The following CPN1 variants were observed in gnomAD, a reference collection of about 807,000 sequenced individuals.
CPN1 encodes the protein carboxypeptidase N catalytic chain.
CPN1 carries 37 observed loss-of-function variants against 46.4 expected under a neutral mutation model. That is an observed-to-expected ratio of 0.80 (90% CI 0.61 to 1.05). The LOEUF is 1.05. Among genes scored for constraint, CPN1 ranks in the 50% least tolerant of loss-of-function variants. The probability of loss-of-function intolerance (pLI) is 0.00; values close to 1 mark genes in which losing one functional copy is unlikely to be tolerated. For synonymous variants in CPN1, 224 were observed against 235.4 expected, an observed-to-expected ratio of 0.95 and a Z score of 0.44; for missense variants, 563 against 602.6, an observed-to-expected ratio of 0.93 and a Z score of 0.69.
At chr10:100,072,566 A>G (rs968849908) in intron 2 of CPN1, among the ~76,000 whole-genome samples, 1 of 152,158 alleles carries the variant, frequency 6.6e-6, no homozygotes, top group African/African-American at 2.4e-5. Flanking sequence ...ATGCTTACTT[A>G]TCTTTCTTTT....
In CPN1 at chr10:100,081,409, C is replaced by G; in HGVS notation, c.217G>C (p.Glu73Gln). Reference sequence around the variant, plus strand: ...AGAGCTGTTCAGAACTTACAGGGCTCGTGGATTCCAGGGTGGTCGCTGAAC... The same window carrying G: ...AGAGCTGTTCAGAACTTACAGGGCTGGTGGATTCCAGGGTGGTCGCTGAAC... Reference protein sequence around the residue: ...LEFSDHPGIHEPLEPEVKYVG... With the variant: ...LEFSDHPGIHQPLEPEVKYVG... The change falls in exon 1 of 9, where the codon GAG becomes CAG. Residue 73 changes from glutamate to glutamine, a missense_variant. Transcript: ENST00000370418. 6.2e-7 allele frequency: 1 copy of G among 1,612,226 alleles called. No homozygotes were observed. The highest frequency in any genetic ancestry group is 2.2e-5 in the East Asian group (1 of 44,862).
At chr10:100,074,039 C>A (rs76195840) in intron 2 of CPN1, among the ~76,000 whole-genome samples, 1 of 152,076 alleles carries the variant, frequency 6.6e-6, no homozygotes, top group Non-Finnish European at 1.5e-5. Flanking sequence ...CCCCATCCCC[C>A]CCCCACAATA....
chr10:100,047,407 T>C (rs1427691277), intron 8 of CPN1, among the ~76,000 whole-genome samples: 1 of 152,194 alleles, frequency 6.6e-6, no homozygotes, highest in Non-Finnish European at 1.5e-5. Context: ...CTATAGGTCA[T>C]GAGTCCCTCT....
Position 100,081,611 on chromosome 10 carries a change from G to A in CPN1, c.15C>T (p.Leu5=). MSDL[L]SVFLHLLLLF... ...GAAGGAGGAGGTGGAGGAAGACTGA[G>A]AGCAGGTCTGACATCTTGCTGGGCT... The change falls in exon 1 of 9, where the codon CTC becomes CTT. Residue 5 remains leucine (L), a synonymous_variant. Coordinates refer to ENST00000370418, the MANE Select transcript of CPN1 (RefSeq NM_001308.3). 3 of 1,614,122 alleles carry A rather than the reference G, an allele frequency of 1.9e-6. No individual in the cohort carries two copies. Among genetic ancestry groups the A allele is most frequent in the Non-Finnish European group, 2.5e-6 (3 of 1,180,022 alleles).
intron 8 of CPN1, among the ~76,000 whole-genome samples, chr10:100,047,603 G>A (rs916402006): frequency 6.6e-6 from 1 of 152,152 alleles, no homozygotes; most frequent in African/African-American, 2.4e-5. Flanking sequence ...ACATAAAAGT[G>A]GACAATTTCC....
chr10:100,059,068 C>T (rs1387266467), intron 5 of CPN1, among the ~76,000 whole-genome samples: 1 of 151,838 alleles, frequency 6.6e-6, no homozygotes, highest in East Asian at 1.9e-4. Context: ...ACGTAAGACC[C>T]AAAACTATAA....
chr10:100,064,541 T>C (rs1019653830), intron 4 of CPN1, among the ~76,000 whole-genome samples: 1 of 151,448 alleles, frequency 6.6e-6, no homozygotes, highest in South Asian at 2.1e-4. Flanking sequence ...CCACCGTGCC[T>C]GGTTAATTTT....
rs188678140 is a variant in CPN1, at chr10:100,080,010, C to T, written c.223+1393G>A. ...CTGAGGCAGGAGAATTGCTTGAACC[C>T]GGGAGGTGGAGGTTTCAGTGAGCTG... On this transcript the variant is annotated intron_variant, in intron 1 of 8. Transcript: ENST00000370418. 6.6e-3 allele frequency among the ~76,000 whole-genome samples: 1,006 copies of T among 151,286 alleles called. 15 individuals carry two copies. Among genetic ancestry groups the T allele is most frequent in the African/African-American group, 0.023 (932 of 41,168 alleles).
chr10:100,055,258 G>A (rs1344025903), intron 6 of CPN1, among the ~76,000 whole-genome samples: 1 of 151,398 alleles, frequency 6.6e-6, no homozygotes, highest in African/African-American at 2.4e-5. Context: ...AATTTGTAAT[G>A]TTGTGCGACC....
chr10:100,043,224 C>T (rs561223805), intron 8 of CPN1, among the ~76,000 whole-genome samples: 80 of 151,756 alleles, frequency 5.3e-4, no homozygotes, highest in African/African-American at 1.7e-3. Context: ...GGTGAAACCC[C>T]GTCTCTACTG....
intron 1 of CPN1, among the ~76,000 whole-genome samples, chr10:100,077,312 C>A (rs2041521228): frequency 6.8e-6 from 1 of 147,564 alleles, no homozygotes; most frequent in African/African-American, 2.6e-5. Context: ...TTCACTGCAA[C>A]CTCCACCTCC....
intron 1 of CPN1, among the ~76,000 whole-genome samples, chr10:100,081,108 T>C (rs1448471557): frequency 6.6e-6 from 1 of 151,508 alleles, no homozygotes; most frequent in Non-Finnish European, 1.5e-5. Flanking sequence ...AGAAAGGAAA[T>C]GGGGGAAATG....
intron 7 of CPN1, among the ~76,000 whole-genome samples, chr10:100,053,448 AC>A (rs1268724098): frequency 7.2e-5 from 11 of 151,996 alleles, no homozygotes; most frequent in African/African-American, 2.7e-4. Context: ...ACATGGTGAA[AC>A]CCCATCTCTA....
intron 5 of CPN1, among the ~76,000 whole-genome samples, chr10:100,063,101 C>T (rs1210950952): frequency 6.6e-6 from 1 of 151,930 alleles, no homozygotes; most frequent in Non-Finnish European, 1.5e-5. Context: ...AAAGGTGTCC[C>T]TACTTTAGTT....
At chr10:100,076,983 G>A (rs1326787350) in intron 1 of CPN1, among the ~76,000 whole-genome samples, 1 of 152,068 alleles carries the variant, frequency 6.6e-6, no homozygotes, top group African/African-American at 2.4e-5. Context: ...AAGTTTCTGG[G>A]GTCACCTAAA....
chr10:100,048,853 G>T lies in CPN1; in HGVS notation c.1135C>A (p.Leu379Met), dbSNP rs138814145. The T allele has an allele frequency of 1.9e-6, 3 of 1,613,574 alleles. No homozygotes were observed. The highest frequency in any genetic ancestry group is 2.5e-6 in the Non-Finnish European group (3 of 1,179,598). Residue 379 changes from leucine to methionine, a missense_variant, in exon 8 of 9, where the codon CTG (leucine) becomes ATG (methionine). By Grantham distance (15) the Leu-to-Met change is conservative. Coordinates refer to ENST00000370418, the MANE Select transcript of CPN1 (RefSeq NM_001308.3). ...ACAGTGTAGATACCTGGAAGCAGCA[G>T]CCGGAAGTAATCACCATGGTCACCT... Reference protein sequence around the residue: ...TSGDHGDYFRLLLPGIYTVSA... With the variant: ...TSGDHGDYFRMLLPGIYTVSA...
At chr10:100,075,239 G>A (rs1477043005) in intron 2 of CPN1, among the ~76,000 whole-genome samples, 2 of 152,120 alleles carry the variant, frequency 1.3e-5, no homozygotes, top group Non-Finnish European at 1.5e-5. Flanking sequence ...GCAGTGAGCC[G>A]AGATCGCACC....
chr10:100,066,772 C>A (rs2041457002), intron 3 of CPN1, among the ~76,000 whole-genome samples: 1 of 152,188 alleles, frequency 6.6e-6, no homozygotes, highest in South Asian at 2.1e-4. Flanking sequence ...TTTTCCATCC[C>A]AAGGGGACTG....
At chr10:100,065,156 C>T (rs376643579) in intron 4 of CPN1, 32 bp downstream of exon 4, 2 of 1,602,640 alleles carry the variant, frequency 1.2e-6, no homozygotes, top group African/African-American at 1.3e-5. Flanking sequence ...GCCCCAAGTT[C>T]CCCTGGCGGG....
Sources: gnomAD v4.1 joint callset for allele counts (sites outside exome capture counted in the v4.1 genomes callset) on GRCh38, gnomAD v4.1.1 for gene constraint, MANE v1.5 for transcripts, NCBI Gene and HGNC (gene_info 2026-07-23, HGNC 2026-07-21) for gene names.